Variants in STAM observed in about 807,000 individuals in gnomAD.
STAM encodes signal transducing adapter molecule 1.
STAM carries 16 observed loss-of-function variants against 63.4 expected under a neutral mutation model. The ratio of observed to expected loss-of-function variants is 0.25; its 90% confidence interval spans 0.17 to 0.38. STAM has a LOEUF of 0.38. Ranked by LOEUF, STAM falls within the 10% of genes least tolerant of loss-of-function variation. The pLI, the probability that STAM is intolerant of heterozygous loss-of-function variation, is 1.00. For missense variants in STAM, 636 were observed against 657.1 expected, an observed-to-expected ratio of 0.97 and a Z score of 0.35; for synonymous variants, 238 against 223.9, an observed-to-expected ratio of 1.06 and a Z score of -0.56.
intron 2 of STAM, among the ~76,000 whole-genome samples, chr10:17,665,756 C>T (rs1455299713): frequency 6.6e-6 from 1 of 151,702 alleles, no homozygotes; most frequent in Non-Finnish European, 1.5e-5. Context: ...TCCCTGTTTA[C>T]TTCATTTAAG....
At chr10:17,658,738 C>G (rs11254707) in intron 1 of STAM, among the ~76,000 whole-genome samples, 79 of 152,272 alleles carry the variant, frequency 5.2e-4, no homozygotes, top group African/African-American at 1.8e-3. Flanking sequence ...CTGCCCACTT[C>G]GGCCTCCCAA....
intron 7 of STAM, 104 bp downstream of exon 7, chr10:17,695,345 G>A (rs970322577): frequency 3.7e-6 from 4 of 1,084,188 alleles, no homozygotes; most frequent in Non-Finnish European, 5.2e-6. Flanking sequence ...AATAAATATT[G>A]ACCCAGATGC....
intron 2 of STAM, among the ~76,000 whole-genome samples, chr10:17,671,309 C>G (rs1213831893): frequency 6.6e-6 from 1 of 152,176 alleles, no homozygotes; most frequent in Non-Finnish European, 1.5e-5. Context: ...ACTTTGAAAG[C>G]TACAGTTGTA....
chr10:17,702,277 A>G (rs1554828575), intron 9 of STAM, among the ~76,000 whole-genome samples: 4 of 152,176 alleles, frequency 2.6e-5, no homozygotes, highest in Non-Finnish European at 5.9e-5. Flanking sequence ...AGTGCAAAGA[A>G]ATCCCATATG....
chr10:17,658,258 T>G (rs1394768425), intron 1 of STAM, among the ~76,000 whole-genome samples: 1 of 152,204 alleles, frequency 6.6e-6, no homozygotes, highest in Admixed American at 6.5e-5. Flanking sequence ...ATTTTCCAGC[T>G]ATCTTTCTGT....
intron 2 of STAM, among the ~76,000 whole-genome samples, chr10:17,679,194 G>A (rs1166829458): frequency 6.6e-6 from 1 of 152,110 alleles, no homozygotes; most frequent in East Asian, 1.9e-4. Context: ...ATGTACAAGG[G>A]TTCTAATTTC....
At chr10:17,649,119 T>A (rs1009850266) in intron 1 of STAM, among the ~76,000 whole-genome samples, 1 of 152,202 alleles carries the variant, frequency 6.6e-6, no homozygotes, top group Non-Finnish European at 1.5e-5. Flanking sequence ...AATATCCTTC[T>A]TGGGCTGAAT....
chr10:17,709,698 G>C (rs376354086), intron 13 of STAM, among the ~76,000 whole-genome samples: 1 of 151,996 alleles, frequency 6.6e-6, no homozygotes, highest in Non-Finnish European at 1.5e-5. Flanking sequence ...TTTCTAGGTA[G>C]CACAGGCACA....
chr10:17,673,772 G>A (rs1834735193), intron 2 of STAM, among the ~76,000 whole-genome samples: 1 of 152,218 alleles, frequency 6.6e-6, no homozygotes, highest in Admixed American at 6.5e-5. Flanking sequence ...TGCTTGTGAG[G>A]TTCTCAGCAC....
chr10:17,647,089 A>G (rs1478698337), intron 1 of STAM, among the ~76,000 whole-genome samples: 1 of 152,214 alleles, frequency 6.6e-6, no homozygotes, highest in African/African-American at 2.4e-5. Context: ...CTGTGAGGAC[A>G]GGGATTTTTG....
intron 4 of STAM, among the ~76,000 whole-genome samples, chr10:17,687,386 G>A (rs1185064749): frequency 5.9e-5 from 9 of 151,924 alleles, no homozygotes; most frequent in African/African-American, 2.4e-5. Context: ...CAAGAGAATC[G>A]CTTGAACCGC....
chr10:17,703,144 C>CA (rs1329725189), intron 9 of STAM, among the ~76,000 whole-genome samples: 1 of 151,540 alleles, frequency 6.6e-6, no homozygotes, highest in Non-Finnish European at 1.5e-5. Context: ...TGTAAGCAAA[C>CA]AAAACGGAAA....
chr10:17,645,306 G>A (rs1232001128), intron 1 of STAM, among the ~76,000 whole-genome samples: 4 of 152,116 alleles, frequency 2.6e-5, no homozygotes, highest in Non-Finnish European at 4.4e-5. Context: ...TCATTACTGT[G>A]AATAAGGACA....
At chr10:17,681,829 G>T (rs534166906) in intron 2 of STAM, among the ~76,000 whole-genome samples, 85 of 152,334 alleles carry the variant, frequency 5.6e-4, no homozygotes, top group African/African-American at 2.0e-3. Flanking sequence ...TTGGTTTGCT[G>T]TGAATGTTTT....
intron 13 of STAM, among the ~76,000 whole-genome samples, chr10:17,709,968 A>ATTTTTTTTT (rs1457707425): frequency 6.7e-6 from 1 of 148,546 alleles, no homozygotes; most frequent in African/African-American, 2.5e-5. Flanking sequence ...CTCTTGCAGG[A>ATTTTTTTTT]TTTTTTTTTA....
intron 12 of STAM, among the ~76,000 whole-genome samples, chr10:17,706,297 CTT>C (rs1836266177): frequency 6.8e-6 from 1 of 146,260 alleles, no homozygotes; most frequent in African/African-American, 2.5e-5. Context: ...AGCCATCACA[CTT>C]TTGAAAAAAA....
rs1355013526 is a variant in STAM at position 17,715,273 on chromosome 10, C to G, written c.*493C>G. ...TGTAAATTTAAGGTAATTATACTAT[C>G]CTTTTAAACTTCAAGAAAACAAAGT... On this transcript the variant is annotated 3_prime_UTR_variant, in exon 14 of 14. Coordinates refer to ENST00000377524, the MANE Select transcript of STAM (RefSeq NM_003473.4). 1 of 164,122 alleles carries G rather than the reference C, an allele frequency of 6.1e-6. No homozygotes were observed. Among genetic ancestry groups the G allele is most frequent in the Non-Finnish European group, 1.4e-5 (1 of 74,042 alleles). 10.2% of individuals were successfully genotyped at this position (164,122 alleles called of 1,614,324 possible).
At chr10:17,706,371 T>A (rs932426172) in intron 12 of STAM, among the ~76,000 whole-genome samples, 1 of 63,372 alleles carries the variant, frequency 1.6e-5, no homozygotes, top group South Asian at 5.3e-4. Flanking sequence ...TTGAGGCCCT[T>A]TTTTTTTTTT....
At chr10:17,666,460 T>C (rs1467249623) in intron 2 of STAM, among the ~76,000 whole-genome samples, 2 of 143,688 alleles carry the variant, frequency 1.4e-5, no homozygotes, top group African/African-American at 5.2e-5. Context: ...AGTGGCACGA[T>C]CTTGGCTCAC....
Sources: allele counts gnomAD v4.1 joint callset (sites outside exome capture counted in the v4.1 genomes callset), GRCh38; gene constraint gnomAD v4.1.1; transcripts MANE v1.5; gene names NCBI Gene and HGNC (gene_info 2026-07-23, HGNC 2026-07-21).